MED29: variants seen among roughly 807,000 people sequenced by gnomAD.
MED29 encodes the protein mediator complex subunit 29.
Under a neutral mutation model 22.0 loss-of-function variants are expected in MED29, and 14 were observed. That is an observed-to-expected ratio of 0.64 (90% CI 0.42 to 0.99). The LOEUF is 0.99. Ranked by LOEUF, MED29 falls within the 50% of genes least tolerant of loss-of-function variation. The pLI is 0.00. For synonymous variants in MED29, 123 were observed against 107.8 expected, an observed-to-expected ratio of 1.14 and a Z score of -0.87; for missense variants, 241 against 253.7, an observed-to-expected ratio of 0.95 and a Z score of 0.34.
At chr19:39,392,647 G>C (rs1373920046) in intron 2 of MED29, 125 bp downstream of exon 2, 1 of 622,540 alleles carries the variant, frequency 1.6e-6, no homozygotes, top group African/African-American at 3.5e-5. Flanking sequence ...TTTTTTTTGA[G>C]ACAGGGTCTC....
At chr19:39,393,695 C>T in intron 3 of MED29, 58 bp downstream of exon 3, 1 of 1,414,562 alleles carries the variant, frequency 7.1e-7, no homozygotes, top group Non-Finnish European at 1.0e-6. Context: ...CTGGGGTCTT[C>T]AGAAACAGTC....
At chr19:39,393,784 G>T in intron 3 of MED29, 147 bp downstream of exon 3, 4 of 706,840 alleles carry the variant, frequency 5.7e-6, no homozygotes, top group South Asian at 3.2e-5. Context: ...ACACAGGGTT[G>T]CTCTGATCCT....
intron 2 of MED29, among the ~76,000 whole-genome samples, chr19:39,393,256 T>C (rs1381375128): frequency 6.6e-6 from 1 of 151,746 alleles, no homozygotes; most frequent in Non-Finnish European, 1.5e-5. Context: ...CCAGCACATC[T>C]GGCTAATTTT....
intron 2 of MED29, 130 bp from the exon 3 acceptor site, chr19:39,393,423 G>A (rs1416479625): frequency 4.9e-5 from 41 of 839,756 alleles, no homozygotes; most frequent in South Asian, 2.6e-4. Context: ...GAACCCCTCC[G>A]GTTTTCAACC....
intron 3 of MED29, among the ~76,000 whole-genome samples, chr19:39,395,701 A>G (rs1026602458): frequency 1.3e-5 from 2 of 152,082 alleles, no homozygotes; most frequent in Admixed American, 1.3e-4. Context: ...GGCGGATCAC[A>G]AGGTCAGGAG....
chr19:39,393,250 C>T (rs963841421), intron 2 of MED29, among the ~76,000 whole-genome samples: 2 of 151,718 alleles, frequency 1.3e-5, no homozygotes, highest in African/African-American at 4.8e-5. Flanking sequence ...CGCGTGCCAG[C>T]ACATCTGGCT....
At chr19:39,392,034 T>A (rs1336052739) in intron 1 of MED29, among the ~76,000 whole-genome samples, 2 of 151,956 alleles carry the variant, frequency 1.3e-5, no homozygotes, top group African/African-American at 4.8e-5. Flanking sequence ...AAAAAATAAA[T>A]AAATAAATAA....
At chr19:39,393,729 G>C in intron 3 of MED29, 92 bp downstream of exon 3, 1 of 1,078,708 alleles carries the variant, frequency 9.3e-7, no homozygotes, top group South Asian at 1.3e-5. Flanking sequence ...ACACTCAACT[G>C]GGGACCTCCT....
In MED29 at chr19:39,392,480, C is replaced by T. The variant is rs752485194; in HGVS notation, c.233C>T (p.Ala78Val). 2.5e-6 allele frequency: 4 copies of T among 1,613,868 alleles called. No individual in the cohort carries two copies. Among genetic ancestry groups the T allele is most frequent in the East Asian group, 2.2e-5 (1 of 44,872 alleles). Residue 78 changes from alanine (A) to valine (V), a missense_variant, in exon 2 of 4, where the codon GCG (alanine) becomes GTG (valine). Ala to Val is a moderately conservative substitution (Grantham distance 64). Coordinates refer to ENST00000315588, the MANE Select transcript of MED29 (RefSeq NM_017592.4). ...KESLQTLMKV[A>V]AQNLIQNTNI... Reference sequence around the variant, plus strand: ...TTTGACTAGACCTTGATGAAGGTTGCGGCCCAAAACTTGATTCAGAACACT... The same window carrying T: ...TTTGACTAGACCTTGATGAAGGTTGTGGCCCAAAACTTGATTCAGAACACT...
In MED29 at chr19:39,397,132, A is replaced by G. The variant is rs116914866; in HGVS notation, c.361-325A>G. On this transcript the variant is annotated intron_variant, in intron 3 of 3. Coordinates refer to ENST00000315588, the MANE Select transcript of MED29 (RefSeq NM_017592.4). ...CCAGGCCTGGAGCCAGGGCAGTAAC[A>G]ATGATAGTAGCTAACAGTTCTTGGC... Among the ~76,000 whole-genome samples, 288 of 152,300 alleles carry G rather than the reference A, an allele frequency of 1.9e-3. 2 individuals are homozygous for G. Among genetic ancestry groups the G allele is most frequent in the South Asian group, 0.011 (54 of 4,832 alleles).
chr19:39,396,639 T>G (rs2078429913), intron 3 of MED29, among the ~76,000 whole-genome samples: 1 of 151,382 alleles, frequency 6.6e-6, no homozygotes, highest in South Asian at 2.1e-4. Context: ...GGCAGAAGAA[T>G]CACTTGAACC....
intron 3 of MED29, 171 bp downstream of exon 3, chr19:39,393,808 C>A: frequency 1.5e-6 from 1 of 647,458 alleles, no homozygotes; most frequent in Non-Finnish European, 2.8e-6. Flanking sequence ...CCTTGCAGAG[C>A]TTTCAGTTGA....
rs1001838590 is a variant in MED29 at position 39,391,398 on chromosome 19, A to G, written c.-25A>G. The G allele has an allele frequency of 6.2e-7, 1 of 1,607,346 alleles. No individual in the cohort carries two copies. The highest frequency in any genetic ancestry group is 1.3e-5 in the African/African-American group (1 of 74,832). On this transcript the variant is annotated 5_prime_UTR_variant, in exon 1 of 4. Coordinates refer to ENST00000315588, the MANE Select transcript of MED29 (RefSeq NM_017592.4). Reference sequence around the variant, plus strand: ...ACGGGGAGAGACGCAGTCGTAACGCACTTCCGGCGGTCTACGCGAGGAAGA... The same window carrying G: ...ACGGGGAGAGACGCAGTCGTAACGCGCTTCCGGCGGTCTACGCGAGGAAGA...
chr19:39,395,001 G>A (rs910800514), intron 3 of MED29, among the ~76,000 whole-genome samples: 2 of 151,616 alleles, frequency 1.3e-5, no homozygotes, highest in Non-Finnish European at 2.9e-5. Flanking sequence ...CTACAGGCAT[G>A]CACTGCCATG....
Position 39,395,872 on chromosome 19 carries a change from G to A in MED29, c.361-1585G>A, listed in dbSNP as rs539402781. ...GCAGAGCTTGCAGTGAGCCGAGATC[G>A]CACCACTGCACTCCAGCCTGGGTGA... On this transcript the variant is annotated intron_variant, in intron 3 of 3. Transcript: ENST00000315588. Among the ~76,000 whole-genome samples, 9 of 151,780 alleles carry A rather than the reference G, an allele frequency of 5.9e-5. No individual in the cohort carries two copies. In the East Asian group the frequency reaches 1.2e-3, roughly 20 times the overall value.
At chr19:39,396,106 GC>G (rs1467603819) in intron 3 of MED29, among the ~76,000 whole-genome samples, 1 of 152,176 alleles carries the variant, frequency 6.6e-6, no homozygotes, top group Non-Finnish European at 1.5e-5. Context: ...AGAAGACAGG[GC>G]CTAGGAATGG....
chr19:39,393,724 C>T (rs1183170074), intron 3 of MED29, 87 bp downstream of exon 3: 1 of 1,114,442 alleles, frequency 9.0e-7, no homozygotes, highest in Non-Finnish European at 1.4e-6. Context: ...AACTCACACT[C>T]AACTGGGGAC....
Position 39,397,441 on chromosome 19 carries a change from G to T in MED29, c.361-16G>T. ...CGGGTGGAGCTGATGCTGTCCCCTTGCCTGCCTGTCCACAGCGCCTGGCGC... is the reference window on the plus strand; with the variant it reads ...CGGGTGGAGCTGATGCTGTCCCCTTTCCTGCCTGTCCACAGCGCCTGGCGC... On this transcript the variant is annotated splice_polypyrimidine_tract_variant and intron_variant, in intron 3 of 3. Transcript: ENST00000315588. 6.3e-7 allele frequency: 1 copy of T among 1,597,540 alleles called. No individual in the cohort carries two copies. The highest frequency in any genetic ancestry group is 8.5e-7 in the Non-Finnish European group (1 of 1,177,286).
chr19:39,391,684 AGAGGG>A (rs2078381441), intron 1 of MED29, 46 bp downstream of exon 1: 1 of 1,527,286 alleles, frequency 6.5e-7, no homozygotes, highest in Non-Finnish European at 8.8e-7. Context: ...TTGGTAGTCT[AGAGGG>A]GCAGGCCGAG....
Sources: gnomAD v4.1 joint callset for allele counts (sites outside exome capture counted in the v4.1 genomes callset) on GRCh38, gnomAD v4.1.1 for gene constraint, MANE v1.5 for transcripts, NCBI Gene and HGNC (gene_info 2026-07-23, HGNC 2026-07-21) for gene names.